LRRC40: variants seen among roughly 807,000 people sequenced by gnomAD.
The protein encoded by LRRC40 is leucine-rich repeat-containing protein 40.
LRRC40 carries 76 observed loss-of-function variants against 72.8 expected under a neutral mutation model. The observed-to-expected ratio is 1.04, with a 90% CI of 0.87 to 1.26. The LOEUF (loss-of-function observed/expected upper bound fraction) is 1.26, where lower values mean the gene tolerates loss of function less well. Among genes scored for constraint, LRRC40 ranks in the 50% most tolerant of loss-of-function variants. LRRC40 has a pLI of 0.00. For synonymous variants in LRRC40, 243 were observed against 254.2 expected (o/e 0.96, Z 0.42); for missense variants, 684 against 698.9 (o/e 0.98, Z 0.24).
At chr1:70,155,071 T>C (rs1030496916) in intron 11 of LRRC40, among the ~76,000 whole-genome samples, 1 of 152,152 alleles carries the variant, frequency 6.6e-6, no homozygotes, top group Non-Finnish European at 1.5e-5. Context: ...ATAACAAATG[T>C]TTTTTAAAGT....
intron 1 of LRRC40, among the ~76,000 whole-genome samples, chr1:70,199,534 C>T (rs1668691616): frequency 6.6e-6 from 1 of 152,062 alleles, no homozygotes; most frequent in Non-Finnish European, 1.5e-5. Context: ...CCCTCCTTTT[C>T]CTCCTCCTCC....
chr1:70,166,107 T>A (rs1282639510), intron 9 of LRRC40, among the ~76,000 whole-genome samples: 6 of 152,088 alleles, frequency 3.9e-5, no homozygotes, highest in Non-Finnish European at 8.8e-5. Flanking sequence ...ATTTTAAGAG[T>A]CTTGCCAATA....
chr1:70,197,682 C>A (rs1001690825), intron 1 of LRRC40, among the ~76,000 whole-genome samples: 4 of 150,300 alleles, frequency 2.7e-5, no homozygotes, highest in African/African-American at 9.8e-5. Flanking sequence ...ATGGGTTGAT[C>A]ACAGAGAACT....
chr1:70,156,178 T>C, intron 10 of LRRC40, among the ~76,000 whole-genome samples: 1 of 152,268 alleles, frequency 6.6e-6, no homozygotes, highest in East Asian at 1.9e-4. Context: ...TAAAAATCTA[T>C]AAGAGGAGTT....
rs540212742 is a variant in LRRC40, at chr1:70,193,032, T to C, written c.152-3759A>G. On this transcript the variant is annotated intron_variant, in intron 1 of 14. Transcript: ENST00000370952. Reference sequence around the variant, plus strand: ...GTATCCATTGTCTAGTTTTAATAATTATCAGCACATGTCTAGTGTTGCTTC... The same window carrying C: ...GTATCCATTGTCTAGTTTTAATAATCATCAGCACATGTCTAGTGTTGCTTC... Among the ~76,000 whole-genome samples the C allele has an allele frequency of 3.9e-5, 6 of 152,174 alleles. No homozygotes were observed. The East Asian group carries it at 1.2e-3, about 29-fold the overall frequency.
chr1:70,186,067 A>C (rs1261710747), intron 3 of LRRC40, among the ~76,000 whole-genome samples: 1 of 152,172 alleles, frequency 6.6e-6, no homozygotes, highest in Non-Finnish European at 1.5e-5. Flanking sequence ...ACAAGAACCA[A>C]TAATATTGTT....
chr1:70,158,665 C>G (rs916453108), intron 10 of LRRC40, among the ~76,000 whole-genome samples: 14 of 151,976 alleles, frequency 9.2e-5, no homozygotes, highest in Admixed American at 9.2e-4. Flanking sequence ...TATTTGCTAC[C>G]ACAGCACATT....
rs138582960 is a variant in LRRC40 at position 70,173,665 on chromosome 1, A to C, written c.1022T>G (p.Leu341Ter). The change falls in exon 8 of 15, where the codon TTA becomes TGA. Residue 341 changes from leucine (L) to a stop codon, truncating the protein, a stop_gained. Coordinates refer to ENST00000370952, the MANE Select transcript of LRRC40 (RefSeq NM_017768.5). LOFTEE classifies it high-confidence loss of function. ...AATTGTTCTCAAAGGATTTCCTTCTAATGCCAAAAATTTCAAATGAAGGTT... is the reference window on the plus strand; with the variant it reads ...AATTGTTCTCAAAGGATTTCCTTCTCATGCCAAAAATTTCAAATGAAGGTT... ...LGNLHLKFLALEGNPLRTIRR... is the reference protein window; with the variant it reads ...LGNLHLKFLA The C allele has an allele frequency of 1.3e-6, 2 of 1,571,774 alleles. No individual in the cohort carries two copies. Among genetic ancestry groups the C allele is most frequent in the Non-Finnish European group, 1.7e-6 (2 of 1,152,116 alleles).
chr1:70,177,417 T>C (rs1646206808), intron 6 of LRRC40, among the ~76,000 whole-genome samples: 1 of 152,202 alleles, frequency 6.6e-6, no homozygotes, highest in Non-Finnish European at 1.5e-5. Context: ...ATGTTGTGAG[T>C]ATCCACTTAA....
At chr1:70,169,081 G>A (rs190917388) in intron 9 of LRRC40, among the ~76,000 whole-genome samples, 3 of 152,206 alleles carry the variant, frequency 2.0e-5, no homozygotes, top group African/African-American at 7.2e-5. Context: ...CCAGGTGGGG[G>A]AGAACAATTG....
At chr1:70,182,884 T>C (rs913329186) in intron 4 of LRRC40, among the ~76,000 whole-genome samples, 3 of 152,176 alleles carry the variant, frequency 2.0e-5, no homozygotes, top group Non-Finnish European at 2.9e-5. Flanking sequence ...TCTTTCATTA[T>C]GTAAACGAGT....
intron 12 of LRRC40, 118 bp downstream of exon 12, chr1:70,152,315 A>C: frequency 1.7e-6 from 1 of 587,202 alleles, no homozygotes. Context: ...ATTGTTAATA[A>C]ATAAAGGCCA....
intron 14 of LRRC40, chr1:70,147,882 G>A (rs556095196): frequency 2.0e-5 from 3 of 152,180 alleles, no homozygotes; most frequent in Admixed American, 2.0e-4. Context: ...TGTTTACTAT[G>A]TTTTAGGCAC....
chr1:70,156,135 C>G (rs1667631298), intron 10 of LRRC40, among the ~76,000 whole-genome samples: 1 of 152,052 alleles, frequency 6.6e-6, no homozygotes, highest in Non-Finnish European at 1.5e-5. Context: ...AGAATTAAAT[C>G]TATAATTTTA....
At chr1:70,200,713 A>G (rs958373907) in intron 1 of LRRC40, among the ~76,000 whole-genome samples, 16 of 152,184 alleles carry the variant, frequency 1.1e-4, no homozygotes, top group African/African-American at 3.9e-4. Flanking sequence ...ATGCTATTTG[A>G]ATAAGTATCT....
intron 10 of LRRC40, among the ~76,000 whole-genome samples, chr1:70,157,798 T>C (rs1034059150): frequency 2.3e-4 from 35 of 152,092 alleles, no homozygotes; most frequent in African/African-American, 8.4e-4. Context: ...GGTATATTAT[T>C]TGGAAGATAA....
At chr1:70,163,097 G>C (rs1473865598) in intron 9 of LRRC40, among the ~76,000 whole-genome samples, 1 of 142,094 alleles carries the variant, frequency 7.0e-6, no homozygotes, top group Non-Finnish European at 1.5e-5. Context: ...TTTTTTTTGA[G>C]ACGGAGTCTC....
chr1:70,190,147 A>T (rs905553388), intron 1 of LRRC40, among the ~76,000 whole-genome samples: 7 of 152,186 alleles, frequency 4.6e-5, no homozygotes, highest in Admixed American at 4.6e-4. Flanking sequence ...ACTGCTCGGT[A>T]AAAGTAGAAC....
intron 9 of LRRC40, among the ~76,000 whole-genome samples, chr1:70,168,396 T>C (rs1667932804): frequency 6.6e-6 from 1 of 152,218 alleles, no homozygotes; most frequent in African/African-American, 2.4e-5. Context: ...TGACTCCTTC[T>C]ACTGAGTGTT....
Sources: allele counts gnomAD v4.1 joint callset (sites outside exome capture counted in the v4.1 genomes callset), GRCh38; gene constraint gnomAD v4.1.1; transcripts MANE v1.5; gene names NCBI Gene and HGNC (gene_info 2026-07-23, HGNC 2026-07-21).